The following SPDL1 variants were observed in gnomAD, a reference collection of about 807,000 sequenced individuals.
SPDL1 encodes protein Spindly.
In SPDL1, 85 loss-of-function variants were observed where a neutral mutation model predicts 79.5. The observed-to-expected ratio is 1.07, with a 90% CI of 0.90 to 1.28. The LOEUF is 1.28. Ranked by LOEUF, SPDL1 falls within the 50% of genes most tolerant of loss-of-function variation. SPDL1 has a pLI of 0.00. For synonymous variants in SPDL1, 269 were observed against 240.3 expected (o/e 1.12, Z -1.10); for missense variants, 703 against 697.8 (o/e 1.01, Z -0.08).
Position 169,585,414 on chromosome 5 carries a change from G to A in SPDL1, c.-24+1525G>A, listed in dbSNP as rs921594998. 9.8e-5 allele frequency among the ~76,000 whole-genome samples: 15 copies of A among 152,308 alleles called. No individual in the cohort carries two copies. The East Asian group carries it at 2.5e-3, about 25-fold the overall frequency. Reference sequence around the variant, plus strand: ...AATGTCTCACACAATAAGAATTCCAGCAAATTTTTTGAATAAACTAAAGCA... The same window carrying A: ...AATGTCTCACACAATAAGAATTCCAACAAATTTTTTGAATAAACTAAAGCA... On this transcript the variant is annotated intron_variant, in intron 1 of 11. Coordinates refer to ENST00000265295, the MANE Select transcript of SPDL1 (RefSeq NM_017785.5).
At chr5:169,586,329 T>C (rs948607819) in intron 1 of SPDL1, 2 of 152,356 alleles carry the variant, frequency 1.3e-5, no homozygotes, top group African/African-American at 4.8e-5. Context: ...ATACACTGTT[T>C]ATTGCCTTCC....
intron 7 of SPDL1, chr5:169,596,030 G>A (rs1755563033): frequency 6.6e-6 from 1 of 152,240 alleles, no homozygotes; most frequent in African/African-American, 2.4e-5. Flanking sequence ...GGTATAATGA[G>A]GTAAGTTGAG....
chr5:169,591,279 G>A lies in SPDL1; in HGVS notation c.336+55G>A. The A allele has an allele frequency of 1.9e-6, 3 of 1,551,222 alleles. No homozygotes were observed. The South Asian group carries it at 3.6e-5, about 19-fold the overall frequency. On this transcript the variant is annotated intron_variant, in intron 3 of 11. Transcript: ENST00000265295. ...ATATTCCATATTTATGCAGCCATCTGTAAACTTTAGATGATAAAGATTTTC... is the reference window on the plus strand; with the variant it reads ...ATATTCCATATTTATGCAGCCATCTATAAACTTTAGATGATAAAGATTTTC...
Position 169,604,306 on chromosome 5 carries a change from T to G in SPDL1, c.*99T>G, listed in dbSNP as rs1274259771. On this transcript the variant is annotated 3_prime_UTR_variant, in exon 12 of 12. Coordinates refer to ENST00000265295, the MANE Select transcript of SPDL1 (RefSeq NM_017785.5). The stretch of plus-strand genomic sequence containing the variant: ...GACATATATCACCTTCTGGGTTATT[T>G]ACTCATTGTGCCAGGACCTGGCATT... 8.2e-7 allele frequency: 1 copy of G among 1,218,754 alleles called. No homozygotes were observed. The highest frequency in any genetic ancestry group is 1.1e-6 in the Non-Finnish European group (1 of 911,372). The allele number at this position is 1,218,754 out of a possible 1,614,324, so 75.5% of individuals were successfully genotyped here.
rs763493563 is a variant in SPDL1, at chr5:169,601,453, C to G, written c.1498C>G (p.Gln500Glu). ...TAACAGTTTAGAAGATAACAACTTG[C>G]AATTAGAAAAATCAGTTTCTATATA... ...CPNSLEDNNL[Q>E]LEKSVSIYTP... The change falls in exon 11 of 12, where the codon CAA becomes GAA. Residue 500 changes from glutamine to glutamate, a missense_variant. Transcript: ENST00000265295. 5.0e-6 allele frequency: 8 copies of G among 1,614,000 alleles called. No homozygotes were observed. Among genetic ancestry groups the G allele is most frequent in the African/African-American group, 2.7e-5 (2 of 74,904 alleles).
At chr5:169,599,874 G>C (rs1044287342) in intron 10 of SPDL1, among the ~76,000 whole-genome samples, 2 of 152,170 alleles carry the variant, frequency 1.3e-5, no homozygotes, top group Non-Finnish European at 2.9e-5. Context: ...CCAGGAATTT[G>C]AGATTTGCTT....
chr5:169,593,673 TCTAA>T (rs1755422285), intron 4 of SPDL1, 125 bp downstream of exon 4: 2 of 889,944 alleles, frequency 2.2e-6, no homozygotes, highest in South Asian at 2.0e-5. Context: ...CTAACTTGCA[TCTAA>T]CTAATTAAAA....
chr5:169,593,596 G>A, intron 4 of SPDL1, 48 bp downstream of exon 4: 1 of 1,486,566 alleles, frequency 6.7e-7, no homozygotes. Context: ...TTTTTTTTCT[G>A]GCATATTTTT....
At chr5:169,591,722 A>G (rs1192658339) in intron 3 of SPDL1, among the ~76,000 whole-genome samples, 2 of 152,254 alleles carry the variant, frequency 1.3e-5, no homozygotes, top group African/African-American at 4.8e-5. Flanking sequence ...TCCATATACC[A>G]GATGAAAGAG....
intron 9 of SPDL1, 93 bp from the exon 10 acceptor site, chr5:169,598,879 C>G (rs1755734193): frequency 7.0e-7 from 1 of 1,428,896 alleles, no homozygotes. Flanking sequence ...GTATTTTTAA[C>G]TAAGAATTCA....
In SPDL1 at chr5:169,591,073, T is replaced by G; in HGVS notation, c.185T>G (p.Leu62Arg). 1 of 1,613,736 alleles carries G rather than the reference T, an allele frequency of 6.2e-7. No individual in the cohort carries two copies. Residue 62 changes from leucine to arginine, a missense_variant, in exon 3 of 12, where the codon CTT becomes CGT. By Grantham distance (102) the Leu-to-Arg change is moderately radical (BLOSUM62 -2). Coordinates refer to ENST00000265295, the MANE Select transcript of SPDL1 (RefSeq NM_017785.5). Reference sequence around the variant, plus strand: ...AGTTATGAACAAGAAAAATATACCCTTCAAAGAGAAGTTGAACTCAAGAGT... The same window carrying G: ...AGTTATGAACAAGAAAAATATACCCGTCAAAGAGAAGTTGAACTCAAGAGT... Reference protein sequence around the residue: ...TESYEQEKYTLQREVELKSRM... With the variant: ...TESYEQEKYTRQREVELKSRM...
At position 169,604,295 on chromosome 5, in the gene SPDL1, T is replaced by C; in HGVS notation, c.*88T>C. On this transcript the variant is annotated 3_prime_UTR_variant, in exon 12 of 12. Transcript: ENST00000265295. ...TGTCTTGATCTGACATATATCACCT[T>C]CTGGGTTATTTACTCATTGTGCCAG... 1 of 1,277,798 alleles carries C rather than the reference T, an allele frequency of 7.8e-7. No homozygotes were observed. Among genetic ancestry groups the C allele is most frequent in the Non-Finnish European group, 1.0e-6 (1 of 956,492 alleles). 79.2% of individuals were successfully genotyped at this position (1,277,798 alleles called of 1,614,324 possible).
chr5:169,597,442 T>C (rs569257036), intron 8 of SPDL1, among the ~76,000 whole-genome samples: 1 of 152,316 alleles, frequency 6.6e-6, no homozygotes, highest in African/African-American at 2.4e-5. Context: ...CTTCTCTGTG[T>C]GTCTGTACCA....
chr5:169,601,637 C>G lies in SPDL1; in HGVS notation c.1670+12C>G, dbSNP rs368411947. 7.4e-6 allele frequency: 12 copies of G among 1,612,186 alleles called. No homozygotes were observed. The East Asian group carries it at 2.2e-4, about 30-fold the overall frequency. On this transcript the variant is annotated intron_variant, in intron 11 of 11. Coordinates refer to ENST00000265295, the MANE Select transcript of SPDL1 (RefSeq NM_017785.5). ...CCTAACTCTCCCAGGTCAGTGTCCT[C>G]TTTTCCTCCAGGCAGCCAGCAGACC...
chr5:169,601,342 G>A lies in SPDL1; in HGVS notation c.1387G>A (p.Ala463Thr), dbSNP rs147547046. Residue 463 changes from alanine (A) to threonine (T), a missense_variant, in exon 11 of 12, where the codon GCT (alanine) becomes ACT (threonine). Transcript: ENST00000265295. Reference protein sequence around the residue: ...REVLPVDITTAKDACVNNSAL... With the variant: ...REVLPVDITTTKDACVNNSAL... ...GGTGCTCCCTGTGGATATAACCACC[G>A]CTAAAGATGCATGTGTCAACAACAG... The A allele has an allele frequency of 6.1e-5, 99 of 1,613,894 alleles. No homozygotes were observed. The African/African-American group carries it at 7.9e-4, about 13-fold the overall frequency.
At position 169,604,343 on chromosome 5, in the gene SPDL1, T is replaced by C; in HGVS notation, c.*136T>C. 1 of 866,190 alleles carries C rather than the reference T, an allele frequency of 1.2e-6. No homozygotes were observed. The highest frequency in any genetic ancestry group is 1.6e-6 in the Non-Finnish European group (1 of 606,388). 53.7% of individuals were successfully genotyped at this position (866,190 alleles called of 1,614,324 possible). On this transcript the variant is annotated 3_prime_UTR_variant, in exon 12 of 12. Coordinates refer to ENST00000265295, the MANE Select transcript of SPDL1 (RefSeq NM_017785.5). ...CAGGACCTGGCATTTTCATGTGCCT[T>C]TGACCAAGTGTTCAGAATTTGCTTG...
intron 1 of SPDL1, among the ~76,000 whole-genome samples, chr5:169,585,135 C>T (rs912792594): frequency 1.3e-5 from 2 of 152,190 alleles, no homozygotes; most frequent in Non-Finnish European, 2.9e-5. Flanking sequence ...CTTTCTCATC[C>T]ATTAGACCTC....
intron 8 of SPDL1, among the ~76,000 whole-genome samples, chr5:169,597,467 T>A (rs996682446): frequency 2.0e-5 from 3 of 152,308 alleles, no homozygotes; most frequent in South Asian, 4.1e-4. Flanking sequence ...GTTTTATTAA[T>A]TATAAAGGCT....
At chr5:169,602,599 G>C (rs1466550239) in intron 11 of SPDL1, among the ~76,000 whole-genome samples, 1 of 81,074 alleles carries the variant, frequency 1.2e-5, no homozygotes, top group Non-Finnish European at 3.0e-5. Context: ...CTGTTTAAAA[G>C]GGCTTATATG....
Sources: gnomAD v4.1 joint callset for allele counts (sites outside exome capture counted in the v4.1 genomes callset) on GRCh38, gnomAD v4.1.1 for gene constraint, MANE v1.5 for transcripts, NCBI Gene and HGNC (gene_info 2026-07-23, HGNC 2026-07-21) for gene names.